The following ABCC4 variants were observed in gnomAD, a reference collection of about 807,000 sequenced individuals.
ABCC4 encodes ATP-binding cassette sub-family C member 4.
ABCC4 carries 102 observed loss-of-function variants against 168.5 expected under a neutral mutation model. The ratio of observed to expected loss-of-function variants is 0.61; its 90% CI spans 0.52 to 0.71. ABCC4 has a LOEUF of 0.71. Ranked by LOEUF, ABCC4 falls within the 30% of genes least tolerant of loss-of-function variation. The pLI, the probability that ABCC4 is intolerant of heterozygous loss-of-function variation, is 0.00. For missense variants in ABCC4, 1,402 were observed against 1,605.8 expected (o/e 0.87, Z 2.17); for synonymous variants, 617 against 590.7 (o/e 1.04, Z -0.65).
rs550503208 is a variant in ABCC4, at chr13:95,249,474, G to A, written c.75-1721C>T. Among the ~76,000 whole-genome samples the A allele has an allele frequency of 3.4e-4, 52 of 152,210 alleles. 1 individual carries two copies. The highest frequency in any genetic ancestry group is 6.8e-3 in the Middle Eastern group (2 of 294). On this transcript the variant is annotated intron_variant, in intron 1 of 30. Transcript: ENST00000645237. ...GGGCTTTCAATGCCCCGTAAGATTG[G>A]AGCACACACTGCAGGGGTATCCAAG...
In ABCC4 at chr13:95,034,517, A is replaced by G; in HGVS notation, c.3870+88T>C. ...AGGCTTATAATTGAAAAGGGTACAC[A>G]GTGCTTGTTACCATACCCATGGTGC... is the stretch of plus-strand genomic sequence containing the variant. On this transcript the variant is annotated intron_variant, in intron 30 of 30. Transcript: ENST00000645237. The G allele has an allele frequency of 2.7e-6, 4 of 1,494,432 alleles. No individual in the cohort carries two copies. In the South Asian group the frequency reaches 5.2e-5, roughly 20 times the overall value. The allele number at this position is 1,494,432 out of a possible 1,614,324, so 92.6% of individuals were successfully genotyped here.
intron 20 of ABCC4, among the ~76,000 whole-genome samples, chr13:95,097,692 T>C (rs1347501020): frequency 6.8e-6 from 1 of 147,692 alleles, no homozygotes; most frequent in Non-Finnish European, 1.5e-5. Flanking sequence ...TTTCAAAGGT[T>C]AGAAATATTA....
At chr13:95,275,041 C>A (rs2040939780) in intron 1 of ABCC4, among the ~76,000 whole-genome samples, 1 of 152,196 alleles carries the variant, frequency 6.6e-6, no homozygotes, top group African/African-American at 2.4e-5. Flanking sequence ...TGTGCCACTG[C>A]ACTCCAGCCT....
intron 8 of ABCC4, among the ~76,000 whole-genome samples, chr13:95,200,692 G>A (rs1358330262): frequency 6.6e-6 from 1 of 152,168 alleles, no homozygotes; most frequent in African/African-American, 2.4e-5. Context: ...CTGCACTCCA[G>A]CTTGGTGACA....
At chr13:95,150,282 A>C (rs1030881487) in intron 19 of ABCC4, among the ~76,000 whole-genome samples, 8 of 152,150 alleles carry the variant, frequency 5.3e-5, no homozygotes, top group Admixed American at 4.6e-4. Flanking sequence ...CTGTATTTGG[A>C]ACACTGTCTG....
chr13:95,032,360 A>C (rs1387634620), intron 30 of ABCC4, among the ~76,000 whole-genome samples: 3 of 152,218 alleles, frequency 2.0e-5, no homozygotes, highest in Non-Finnish European at 4.4e-5. Context: ...CATTGCCATC[A>C]GGGCTCACCA....
chr13:95,232,067 TG>T (rs2039634526), intron 4 of ABCC4, among the ~76,000 whole-genome samples: 1 of 152,002 alleles, frequency 6.6e-6, no homozygotes, highest in Non-Finnish European at 1.5e-5. Context: ...TTCTCCTAAA[TG>T]GTAGAAGAGA....
At chr13:95,243,592 A>C (rs2040001978) in intron 3 of ABCC4, among the ~76,000 whole-genome samples, 1 of 149,660 alleles carries the variant, frequency 6.7e-6, no homozygotes. Context: ...AGGTTTCTAA[A>C]GGGTTCTTGG....
chr13:95,255,138 C>G (rs1442301277), intron 1 of ABCC4, among the ~76,000 whole-genome samples: 1 of 152,232 alleles, frequency 6.6e-6, no homozygotes, highest in Non-Finnish European at 1.5e-5. Flanking sequence ...CAAGGACACA[C>G]ACCAGTGCAA....
intron 21 of ABCC4, among the ~76,000 whole-genome samples, chr13:95,077,043 C>T (rs183405069): frequency 1.0e-3 from 154 of 152,250 alleles, no homozygotes; most frequent in African/African-American, 3.6e-3. Context: ...TCAAGCACAC[C>T]ATTTGATGAC....
intron 1 of ABCC4, among the ~76,000 whole-genome samples, chr13:95,279,095 C>G (rs2041048040): frequency 6.6e-6 from 1 of 152,160 alleles, no homozygotes; most frequent in African/African-American, 2.4e-5. Flanking sequence ...CCAGGAAACA[C>G]AGGATACTAC....
intron 20 of ABCC4, chr13:95,096,130 T>C (rs145231996): frequency 0.014 from 8,834 of 623,392 alleles, 87 homozygotes; most frequent in Non-Finnish European, 0.021. Context: ...GAGGATTGCT[T>C]GAGCCTAGGA....
intron 19 of ABCC4, among the ~76,000 whole-genome samples, chr13:95,147,861 T>G (rs1029763722): frequency 2.6e-5 from 4 of 152,192 alleles, no homozygotes; most frequent in African/African-American, 9.6e-5. Flanking sequence ...TGTTTGGTAC[T>G]TACATGCAAA....
intron 4 of ABCC4, among the ~76,000 whole-genome samples, chr13:95,224,753 T>A: frequency 6.7e-6 from 1 of 148,500 alleles, no homozygotes; most frequent in African/African-American, 2.5e-5. Flanking sequence ...AAAAAGAAAA[T>A]AAAGAAATGC....
chr13:95,069,386 G>A (rs566859565), intron 25 of ABCC4, among the ~76,000 whole-genome samples: 91 of 152,066 alleles, frequency 6.0e-4, no homozygotes, highest in Admixed American at 1.6e-3. Flanking sequence ...TCATGCCATC[G>A]TGCTATCTTC....
At chr13:95,085,316 T>C (rs2034222026) in intron 20 of ABCC4, among the ~76,000 whole-genome samples, 2 of 151,540 alleles carry the variant, frequency 1.3e-5, no homozygotes, top group Admixed American at 1.3e-4. Flanking sequence ...GCCGCATATT[T>C]GTAACCCCAG....
In ABCC4 at chr13:95,206,527, C is replaced by G; in HGVS notation, c.1161+5G>C. The G allele has an allele frequency of 4.3e-6, 7 of 1,611,718 alleles. No individual in the cohort carries two copies. The highest frequency in any genetic ancestry group is 5.1e-6 in the Non-Finnish European group (6 of 1,177,916). ...TACAACTTTAAAATGGCATCTGACA[C>G]CAACCTGGATTCTTCGGATGCTGAC... On this transcript the variant is annotated splice_donor_5th_base_variant and intron_variant, in intron 8 of 30. Coordinates refer to ENST00000645237, the MANE Select transcript of ABCC4 (RefSeq NM_005845.5).
chr13:95,147,299 G>T (rs889706200), intron 19 of ABCC4, among the ~76,000 whole-genome samples: 3 of 152,190 alleles, frequency 2.0e-5, no homozygotes, highest in Admixed American at 1.3e-4. Context: ...TAATAGTGCA[G>T]TAACAGGAGT....
intron 15 of ABCC4, among the ~76,000 whole-genome samples, chr13:95,165,270 A>G (rs2037234808): frequency 6.6e-6 from 1 of 152,228 alleles, no homozygotes; most frequent in Non-Finnish European, 1.5e-5. Context: ...GGGGTCAAGC[A>G]GTGAGTCTCA....
Sources: gnomAD v4.1 joint callset for allele counts (sites outside exome capture counted in the v4.1 genomes callset) on GRCh38, gnomAD v4.1.1 for gene constraint, MANE v1.5 for transcripts, NCBI Gene and HGNC (gene_info 2026-07-23, HGNC 2026-07-21) for gene names.